The following TSGA13 variants were observed in gnomAD, a reference collection of about 807,000 sequenced individuals.
TSGA13 encodes testis specific 13, also known as testis-specific gene 13 protein.
Under a neutral mutation model 35.1 loss-of-function variants are expected in TSGA13, and 37 were observed. The ratio of observed to expected loss-of-function variants is 1.05; its 90% CI spans 0.81 to 1.39. The LOEUF (loss-of-function observed/expected upper bound fraction) is 1.39, where lower values mean the gene tolerates loss of function less well. Ranked by LOEUF, TSGA13 falls within the 40% of genes most tolerant of loss-of-function variation. The pLI is 0.00. For synonymous variants in TSGA13, 124 were observed against 121.2 expected (o/e 1.02, Z -0.15); for missense variants, 338 against 328.5 (o/e 1.03, Z -0.22).
rs200223001 is a variant in TSGA13 at position 130,669,168 on chromosome 7, G to T, written c.674C>A (p.Ala225Glu). The change falls in exon 8 of 8, where the codon GCG becomes GAG. Residue 225 changes from alanine (A) to glutamate (E), a missense_variant. By Grantham distance (107) the Ala-to-Glu change is moderately radical. Transcript: ENST00000356588. ...DMRKDASKKS[A>E]SERPISKVIR... ...CACTTTGGAAATTGGCCTTTCACTC[G>T]CTGACTTCTTGGAAGCTACGACAAA... 5.6e-6 allele frequency: 9 copies of T among 1,614,156 alleles called. No homozygotes were observed. In the African/African-American group the frequency reaches 9.3e-5, roughly 17 times the overall value.
At position 130,685,270 on chromosome 7, in the gene TSGA13, T is replaced by C. The variant is rs561658843; in HGVS notation, c.-60A>G. The C allele has an allele frequency of 1.9e-6, 3 of 1,607,760 alleles. No individual in the cohort carries two copies. In the Admixed American group the frequency reaches 5.0e-5, roughly 27 times the overall value. ...GTATTCACCCAAGGCCAAATTCAGG[T>C]CTCTAAATAGTCCACGTTCTGCAGG... On this transcript the variant is annotated 5_prime_UTR_variant, in exon 2 of 8. Transcript: ENST00000356588.
intron 5 of TSGA13, among the ~76,000 whole-genome samples, chr7:130,678,295 C>T (rs574562512): frequency 1.3e-5 from 2 of 151,920 alleles, no homozygotes; most frequent in Non-Finnish European, 2.9e-5. Flanking sequence ...AGGAGAATGG[C>T]GTGAACCCGG....
chr7:130,671,678 C>G lies in TSGA13; in HGVS notation c.641G>C (p.Arg214Thr). Reference sequence around the variant, plus strand: ...GAGCTTACCATCTTTCCTCATATCTCTCTCATGGACTGGAGCAAAGGTGAG... The same window carrying G: ...GAGCTTACCATCTTTCCTCATATCTGTCTCATGGACTGGAGCAAAGGTGAG... ...PQLTFAPVHE[R>T]DMRKDASKKS... The change falls in exon 7 of 8, where the codon AGA becomes ACA. Residue 214 changes from arginine to threonine, a missense_variant. Arg to Thr is a moderately conservative substitution (Grantham distance 71). Transcript: ENST00000356588. 1 of 1,595,182 alleles carries G rather than the reference C, an allele frequency of 6.3e-7. No homozygotes were observed. Among genetic ancestry groups the G allele is most frequent in the Middle Eastern group, 1.7e-4 (1 of 5,920 alleles).
intron 3 of TSGA13, among the ~76,000 whole-genome samples, chr7:130,681,525 GAGAA>G (rs1796545342): frequency 6.6e-6 from 1 of 151,628 alleles, no homozygotes; most frequent in South Asian, 2.1e-4. Context: ...CCTACTCACA[GAGAA>G]AGGAAGAAGA....
intron 5 of TSGA13, among the ~76,000 whole-genome samples, chr7:130,678,169 A>C (rs918442155): frequency 1.3e-5 from 2 of 152,084 alleles, no homozygotes; most frequent in Admixed American, 6.5e-5. Flanking sequence ...ACAAGGTCAG[A>C]AGATCGAGAC....
intron 5 of TSGA13, among the ~76,000 whole-genome samples, chr7:130,673,540 T>A (rs1405993680): frequency 6.6e-6 from 1 of 152,172 alleles, no homozygotes; most frequent in Non-Finnish European, 1.5e-5. Context: ...AAGGAACAAA[T>A]CTAGTCCTTC....
At chr7:130,680,578 C>T (rs1273015314) in intron 4 of TSGA13, among the ~76,000 whole-genome samples, 4 of 151,402 alleles carry the variant, frequency 2.6e-5, no homozygotes, top group African/African-American at 4.9e-5. Context: ...GAGGAAGGGA[C>T]GGTCCCACTA....
rs781809659 is a variant in TSGA13, at chr7:130,679,194, T to C, written c.348A>G (p.Ala116=). Residue 116 remains alanine, a synonymous_variant, in exon 5 of 8, where the codon GCA becomes GCG. Transcript: ENST00000356588. ...CSITQQDKES[A]SKYFSKELLL... ...GTAACTCCTTGGAAAAATATTTTGA[T>C]GCACTCTCCTTGTCTTGCTGGGTGA... 4 of 1,614,094 alleles carry C rather than the reference T, an allele frequency of 2.5e-6. No individual in the cohort carries two copies. In the African/African-American group the frequency reaches 4.0e-5, roughly 16 times the overall value.
At chr7:130,671,528 A>G in intron 7 of TSGA13, 133 bp downstream of exon 7, 1 of 1,043,296 alleles carries the variant, frequency 9.6e-7, no homozygotes, top group Non-Finnish European at 1.3e-6. Flanking sequence ...GTTAACTTCC[A>G]TGCTATAGGG....
intron 1 of TSGA13, 24 bp from the exon 2 acceptor site, chr7:130,685,384 T>C: frequency 1.4e-6 from 2 of 1,408,662 alleles, no homozygotes; most frequent in Non-Finnish European, 1.9e-6. Context: ...AAGAAAAGAC[T>C]GATAGGTGCT....
chr7:130,668,686 C>A lies in TSGA13; in HGVS notation c.*328G>T. The A allele has an allele frequency of 6.5e-7, 1 of 1,528,532 alleles. No individual in the cohort carries two copies. Among genetic ancestry groups the A allele is most frequent in the East Asian group, 2.8e-5 (1 of 36,084 alleles). 94.7% of individuals were successfully genotyped at this position (1,528,532 alleles called of 1,614,324 possible). A position where few individuals can be genotyped will look rare whatever the true frequency, so the allele number is the denominator to read the frequency against. ...TTAATCATCTTGGACGACTTCCCAG[C>A]GCCCAGACCCACCGCAACCGTCCCA... On this transcript the variant is annotated 3_prime_UTR_variant, in exon 8 of 8. Transcript: ENST00000356588.
At chr7:130,680,460 C>T (rs62473535) in intron 4 of TSGA13, among the ~76,000 whole-genome samples, 7 of 149,796 alleles carry the variant, frequency 4.7e-5, no homozygotes, top group African/African-American at 1.5e-4. Flanking sequence ...GAGCCGAGAT[C>T]GCACCACTGC....
intron 2 of TSGA13, among the ~76,000 whole-genome samples, chr7:130,684,103 G>T (rs929345109): frequency 6.6e-6 from 1 of 152,264 alleles, no homozygotes; most frequent in East Asian, 1.9e-4. Flanking sequence ...GCCAGTGATT[G>T]GCCAATGATT....
intron 6 of TSGA13, 63 bp from the exon 7 acceptor site, chr7:130,671,851 CTTTATTTTATTTTATTTTATTTTAT>C (rs10628843): frequency 1.6e-6 from 1 of 628,978 alleles, no homozygotes; most frequent in Non-Finnish European, 2.2e-6. Flanking sequence ...GAACTATTCA[CTTTATTTTATTTTATTTTATTTTAT>C]TTTATTTTAT....
At position 130,686,455 on chromosome 7, in the gene TSGA13, T is replaced by C. The variant is rs1368956752; in HGVS notation, c.-344A>G. The C allele has an allele frequency of 6.6e-6, 1 of 152,022 alleles. No individual in the cohort carries two copies. The highest frequency in any genetic ancestry group is 1.5e-5 in the Non-Finnish European group (1 of 68,010). The allele number at this position is 152,022 out of a possible 1,614,324, so 9.4% of individuals were successfully genotyped here. ...CTGGTGTACACTACCTTTAAGAACATCACGAAATCATAGTTTGGTGAAGAA... is the reference window on the plus strand; with the variant it reads ...CTGGTGTACACTACCTTTAAGAACACCACGAAATCATAGTTTGGTGAAGAA... On this transcript the variant is annotated 5_prime_UTR_variant, in exon 1 of 8. The change abolishes an upstream ATG in the 5' untranslated region. Coordinates refer to ENST00000356588, the MANE Select transcript of TSGA13 (RefSeq NM_052933.4).
intron 3 of TSGA13, among the ~76,000 whole-genome samples, chr7:130,682,001 G>A (rs1796558087): frequency 6.6e-6 from 1 of 151,644 alleles, no homozygotes; most frequent in African/African-American, 2.4e-5. Context: ...GGGCATTGGT[G>A]CAATCATAGG....
intron 5 of TSGA13, among the ~76,000 whole-genome samples, chr7:130,674,819 A>C (rs554037828): frequency 1.3e-5 from 2 of 152,308 alleles, no homozygotes; most frequent in Non-Finnish European, 2.9e-5. Flanking sequence ...TTCAATTCTG[A>C]ACTTATTCTC....
chr7:130,679,291 AT>A lies in TSGA13; in HGVS notation c.250del (p.Met84CysfsTer2). The A allele has an allele frequency of 6.2e-7, 1 of 1,614,224 alleles. No homozygotes were observed. The highest frequency in any genetic ancestry group is 1.3e-5 in the African/African-American group (1 of 75,052). On this transcript the variant is annotated frameshift_variant, in exon 5 of 8. Coordinates refer to ENST00000356588, the MANE Select transcript of TSGA13 (RefSeq NM_052933.4). LOFTEE classifies it high-confidence loss of function. The part of the protein sequence containing the change: ...LAQNRKNTSF[M>X]LKVTQYDQDK... The stretch of plus-strand genomic sequence containing the variant: ...CTGGTCATACTGTGTTACTTTTAAC[AT>A]GAAGCTGGTGTTTTTCCTGTTTTGA...
chr7:130,673,728 C>T (rs370848482), intron 5 of TSGA13, among the ~76,000 whole-genome samples: 6 of 152,040 alleles, frequency 3.9e-5, no homozygotes, highest in East Asian at 1.9e-4. Context: ...AACTAATGTG[C>T]GGCAATCTGA....
Sources: allele counts gnomAD v4.1 joint callset (sites outside exome capture counted in the v4.1 genomes callset), GRCh38; gene constraint gnomAD v4.1.1; transcripts MANE v1.5; gene names NCBI Gene and HGNC (gene_info 2026-07-23, HGNC 2026-07-21).